The following STK32B variants were observed in gnomAD, a reference collection of about 807,000 sequenced individuals.
STK32B encodes serine/threonine-protein kinase 32B.
Under a neutral mutation model 52.6 loss-of-function variants are expected in STK32B, and 43 were observed. The observed-to-expected ratio is 0.82, with a 90% CI of 0.64 to 1.05. STK32B has a LOEUF of 1.05. Among genes scored for constraint, STK32B ranks in the 50% least tolerant of loss-of-function variants. The pLI is 0.00. For missense variants in STK32B, 621 were observed against 534.6 expected, an observed-to-expected ratio of 1.16 and a Z score of -1.59; for synonymous variants, 238 against 204.3, an observed-to-expected ratio of 1.17 and a Z score of -1.41.
At chr4:5,220,682 C>A (rs1290323549) in intron 3 of STK32B, among the ~76,000 whole-genome samples, 3 of 152,166 alleles carry the variant, frequency 2.0e-5, no homozygotes, top group African/African-American at 7.2e-5. Flanking sequence ...TGAGGAGGCA[C>A]AGAAGGGTTT....
chr4:5,167,351 T>TAATA (rs1360172450), intron 2 of STK32B, among the ~76,000 whole-genome samples: 1 of 152,208 alleles, frequency 6.6e-6, no homozygotes, highest in East Asian at 1.9e-4. Context: ...AAGGTTCTTA[T>TAATA]AGGGATTCAG....
chr4:5,060,322 CTTA>C (rs1435411152), intron 1 of STK32B, among the ~76,000 whole-genome samples: 7 of 152,272 alleles, frequency 4.6e-5, no homozygotes, highest in East Asian at 3.9e-4. Context: ...TTCATATCCT[CTTA>C]TTATCTTTTT....
the STK32B span, among the ~76,000 whole-genome samples, chr4:5,028,415 T>A: frequency 2.0e-5 from 3 of 152,150 alleles, no homozygotes; most frequent in African/African-American, 7.2e-5. Flanking sequence ...CAGGATTGAG[T>A]TTCCCTGTCC....
chr4:5,420,862 G>T lies in STK32B; in HGVS notation c.562+3928G>T, dbSNP rs533164991. ...ATTGATGTCAAGGAGTGTAGATCCT[G>T]GACCACTGGAGAAGTTCGAGACAGT... is the stretch of plus-strand genomic sequence containing the variant. On this transcript the variant is annotated intron_variant, in intron 6 of 11. Coordinates refer to ENST00000282908, the MANE Select transcript of STK32B (RefSeq NM_018401.3). 2.6e-5 allele frequency among the ~76,000 whole-genome samples: 4 copies of T among 152,062 alleles called. No individual in the cohort carries two copies. In the East Asian group the frequency reaches 7.7e-4, roughly 29 times the overall value.
At chr4:5,176,022 C>T (rs752342198) in intron 3 of STK32B, among the ~76,000 whole-genome samples, 4 of 152,212 alleles carry the variant, frequency 2.6e-5, no homozygotes, top group African/African-American at 4.8e-5. Context: ...CCCCAAGCCT[C>T]GCTGTGGCCT....
At chr4:5,482,342 A>T (rs920302212) in intron 11 of STK32B, among the ~76,000 whole-genome samples, 10 of 152,042 alleles carry the variant, frequency 6.6e-5, no homozygotes, top group African/African-American at 2.4e-4. Flanking sequence ...ATTCTCTTTG[A>T]AGCAATTGTG....
Position 5,168,584 on chromosome 4 carries a change from G to A in STK32B, c.260+134G>A, listed in dbSNP as rs534273467. ...ATTTTCTGGGTTCAGTTATTCTTAAGTATTTTGTAGAGTACATTTTCTGAT... is the reference window on the plus strand; with the variant it reads ...ATTTTCTGGGTTCAGTTATTCTTAAATATTTTGTAGAGTACATTTTCTGAT... On this transcript the variant is annotated intron_variant, in intron 3 of 11. Coordinates refer to ENST00000282908, the MANE Select transcript of STK32B (RefSeq NM_018401.3). 53 of 1,072,794 alleles carry A rather than the reference G, an allele frequency of 4.9e-5. No homozygotes were observed. In the East Asian group the frequency reaches 1.3e-3, roughly 27 times the overall value. 66.5% of individuals were successfully genotyped at this position (1,072,794 alleles called of 1,614,324 possible).
intron 4 of STK32B, among the ~76,000 whole-genome samples, chr4:5,360,118 A>T (rs763135168): frequency 3.3e-5 from 5 of 152,128 alleles, no homozygotes; most frequent in Non-Finnish European, 5.9e-5. Flanking sequence ...TTCCAATGGA[A>T]GCTCAGATAA....
At chr4:5,171,896 G>C (rs1719401642) in intron 3 of STK32B, among the ~76,000 whole-genome samples, 1 of 151,112 alleles carries the variant, frequency 6.6e-6, no homozygotes, top group South Asian at 2.1e-4. Context: ...AATTACCTTG[G>C]GCAGTATGGC....
At chr4:5,189,267 C>T (rs62290531) in intron 3 of STK32B, among the ~76,000 whole-genome samples, 14,853 of 152,184 alleles carry the variant, frequency 0.098, 866 homozygotes, top group Non-Finnish European at 0.12. Context: ...TAGTGACATA[C>T]GGAGCAATGT....
At chr4:5,203,262 G>A (rs1197286843) in intron 3 of STK32B, among the ~76,000 whole-genome samples, 1 of 152,092 alleles carries the variant, frequency 6.6e-6, no homozygotes, top group Non-Finnish European at 1.5e-5. Flanking sequence ...TTCTTTTGAT[G>A]ATTTCCCTCC....
chr4:5,201,601 A>T lies in STK32B; in HGVS notation c.260+33151A>T, dbSNP rs554208135. Among the ~76,000 whole-genome samples the T allele has an allele frequency of 3.3e-5, 5 of 152,286 alleles. No individual in the cohort carries two copies. The South Asian group carries it at 1.0e-3, about 32-fold the overall frequency. On this transcript the variant is annotated intron_variant, in intron 3 of 11. Coordinates refer to ENST00000282908, the MANE Select transcript of STK32B (RefSeq NM_018401.3). ...TGTTCTCACACTGCTATAAGGAGCT[A>T]CCTGAGACTGGGTCATTTATAAAGG...
intron 3 of STK32B, among the ~76,000 whole-genome samples, chr4:5,266,297 G>T (rs867824902): frequency 6.6e-6 from 1 of 152,132 alleles, no homozygotes; most frequent in African/African-American, 2.4e-5. Flanking sequence ...TTAAGATAGC[G>T]CAGTTATAAA....
chr4:5,153,943 C>T (rs1465539295), intron 2 of STK32B, among the ~76,000 whole-genome samples: 4 of 151,984 alleles, frequency 2.6e-5, no homozygotes, highest in Non-Finnish European at 5.9e-5. Context: ...GATTTTGGTT[C>T]TGTAATCAAA....
At chr4:5,372,721 G>GT (rs1491213125) in intron 4 of STK32B, among the ~76,000 whole-genome samples, 3 of 76,932 alleles carry the variant, frequency 3.9e-5, no homozygotes, top group East Asian at 8.8e-4. Flanking sequence ...GGAGAAAGTT[G>GT]GGGGGGGGGG....
chr4:5,037,465 G>T, the STK32B span, among the ~76,000 whole-genome samples: 1 of 152,198 alleles, frequency 6.6e-6, no homozygotes, highest in Non-Finnish European at 1.5e-5. Context: ...ATAAATTAAT[G>T]AATGTCTGAC....
chr4:5,168,225 G>A (rs1719039818), intron 2 of STK32B, 74 bp from the exon 3 acceptor site: 3 of 1,538,688 alleles, frequency 1.9e-6, no homozygotes, highest in Non-Finnish European at 2.6e-6. Context: ...AAAATGCAGT[G>A]CGGGGTGACA....
At chr4:5,464,054 C>G (rs565523760) in intron 9 of STK32B, among the ~76,000 whole-genome samples, 127 of 152,212 alleles carry the variant, frequency 8.3e-4, no homozygotes, top group Non-Finnish European at 8.8e-5. Context: ...CCAGTCAGGG[C>G]GGAAGGTGAA....
At chr4:5,256,101 G>C (rs1043351535) in intron 3 of STK32B, among the ~76,000 whole-genome samples, 6 of 152,118 alleles carry the variant, frequency 3.9e-5, no homozygotes, top group South Asian at 4.1e-4. Flanking sequence ...AGCTGTAGGG[G>C]TGATGTTTGA....
Sources: gnomAD v4.1 joint callset for allele counts (sites outside exome capture counted in the v4.1 genomes callset) on GRCh38, gnomAD v4.1.1 for gene constraint, MANE v1.5 for transcripts, NCBI Gene and HGNC (gene_info 2026-07-23, HGNC 2026-07-21) for gene names.